SNX9: variants seen among roughly 807,000 people sequenced by gnomAD.
SNX9 encodes sorting nexin 9, also known as sorting nexin-9.
In SNX9, 44 loss-of-function variants were observed where a neutral mutation model predicts 89.4. That is an observed-to-expected ratio of 0.49 (90% CI 0.39 to 0.63). The LOEUF (loss-of-function observed/expected upper bound fraction) is 0.63, where lower values mean the gene tolerates loss of function less well. SNX9 is among the 30% of genes least tolerant of loss of function. The pLI is 0.00. For missense variants in SNX9, 578 were observed against 736.1 expected, an observed-to-expected ratio of 0.79 and a Z score of 2.49; for synonymous variants, 236 against 247.8, an observed-to-expected ratio of 0.95 and a Z score of 0.45.
chr6:157,874,936 G>C, intron 3 of SNX9, 115 bp from the exon 4 acceptor site: 2 of 1,215,024 alleles, frequency 1.6e-6, no homozygotes, highest in Non-Finnish European at 2.2e-6. Context: ...TGCTTACAGA[G>C]AAATTTGTAG....
intron 3 of SNX9, 73 bp from the exon 4 acceptor site, chr6:157,874,978 C>G: frequency 6.7e-7 from 1 of 1,491,684 alleles, no homozygotes; most frequent in Non-Finnish European, 9.0e-7. Context: ...TTTGACAATT[C>G]TTGCTTGCCC....
chr6:157,839,501 C>T (rs1781651752), intron 1 of SNX9, among the ~76,000 whole-genome samples: 1 of 152,218 alleles, frequency 6.6e-6, no homozygotes, highest in Non-Finnish European at 1.5e-5. Context: ...AAGTTACTTA[C>T]TGCTTCACTT....
At chr6:157,882,209 G>T (rs896700677) in intron 4 of SNX9, among the ~76,000 whole-genome samples, 11 of 152,148 alleles carry the variant, frequency 7.2e-5, no homozygotes, top group Non-Finnish European at 1.5e-4. Context: ...TCTGTAAATT[G>T]AATAGCCAAG....
rs901076417 is a variant in SNX9, at chr6:157,905,614, G to A, written c.621-514G>A. On this transcript the variant is annotated intron_variant, in intron 6 of 17. Coordinates refer to ENST00000392185, the MANE Select transcript of SNX9 (RefSeq NM_016224.5). ...AAAGAGACTTGTTTTCCGCTGTCAT[G>A]AACTGCTTCTGAAGGCAATTCCAAA... Among the ~76,000 whole-genome samples the A allele has an allele frequency of 5.1e-5, 7 of 136,168 alleles. No homozygotes were observed. In the Admixed American group the frequency reaches 6.0e-4, roughly 12 times the overall value. The allele number at this position is 136,168 out of a possible 152,430, so 89.3% of individuals were successfully genotyped here.
At chr6:157,913,131 CTT>C (rs1289644527) in intron 9 of SNX9, among the ~76,000 whole-genome samples, 1 of 152,142 alleles carries the variant, frequency 6.6e-6, no homozygotes, top group Non-Finnish European at 1.5e-5. Context: ...GGTGAATTGT[CTT>C]TTTTCCAAGG....
intron 5 of SNX9, 124 bp from the exon 6 acceptor site, chr6:157,901,774 T>C: frequency 8.8e-7 from 1 of 1,139,334 alleles, no homozygotes; most frequent in Non-Finnish European, 1.2e-6. Context: ...TACTATACCC[T>C]TTTCTCCATC....
intron 1 of SNX9, among the ~76,000 whole-genome samples, chr6:157,862,184 A>G (rs1260429875): frequency 2.0e-5 from 3 of 152,226 alleles, no homozygotes; most frequent in Non-Finnish European, 4.4e-5. Context: ...GACTACTTAT[A>G]TTGAAAAGCA....
intron 1 of SNX9, among the ~76,000 whole-genome samples, chr6:157,844,333 C>T (rs1200752566): frequency 1.3e-5 from 2 of 152,040 alleles, no homozygotes; most frequent in Non-Finnish European, 2.9e-5. Context: ...GCCAGTGAGC[C>T]AGGAGTGCTG....
At chr6:157,852,999 T>G (rs1444992733) in intron 1 of SNX9, among the ~76,000 whole-genome samples, 1 of 151,978 alleles carries the variant, frequency 6.6e-6, no homozygotes, top group East Asian at 1.9e-4. Flanking sequence ...AGTTTTTTTG[T>G]TTGTTTGTTT....
chr6:157,908,522 G>A (rs1583230713), intron 7 of SNX9, among the ~76,000 whole-genome samples: 1 of 152,288 alleles, frequency 6.6e-6, no homozygotes, highest in African/African-American at 2.4e-5. Context: ...CTGTCATTGT[G>A]ATCAAAGTTT....
At position 157,943,239 on chromosome 6, in the gene SNX9, T is replaced by G. The variant is rs1784079114; in HGVS notation, c.*401T>G. The G allele has an allele frequency of 6.4e-6, 1 of 155,542 alleles. No individual in the cohort carries two copies. The highest frequency in any genetic ancestry group is 2.4e-5 in the African/African-American group (1 of 41,616). The allele number at this position is 155,542 out of a possible 1,614,324, so 9.6% of individuals were successfully genotyped here. A position where few individuals can be genotyped will look rare whatever the true frequency, so the allele number is the denominator to read the frequency against. The stretch of plus-strand genomic sequence containing the variant: ...TTCTTACCCAGTGTCAGATAATTAA[T>G]TACTAATTACTTTCTTAAAAACATG... On this transcript the variant is annotated 3_prime_UTR_variant, in exon 18 of 18. Transcript: ENST00000392185.
chr6:157,919,532 A>G (rs902216102), intron 9 of SNX9, among the ~76,000 whole-genome samples: 1 of 151,942 alleles, frequency 6.6e-6, no homozygotes, highest in Non-Finnish European at 1.5e-5. Flanking sequence ...CTATACTTTC[A>G]ACTCCAGAAT....
rs1215144142 is a variant in SNX9, at chr6:157,875,098, G to A, written c.222G>A (p.Val74=). The A allele has an allele frequency of 6.2e-7, 1 of 1,613,976 alleles. No homozygotes were observed. Among genetic ancestry groups the A allele is most frequent in the Non-Finnish European group, 8.5e-7 (1 of 1,179,960 alleles). The stretch of plus-strand genomic sequence containing the variant: ...ATCAATTTTCTTGTGGAAATTCAGT[G>A]GCTGACCAAGCCTTCCTTGATTCTC... ...GKDQFSCGNS[V]ADQAFLDSLS... is the part of the protein sequence containing the mutation. The change falls in exon 4 of 18, where the codon GTG becomes GTA. Residue 74 remains valine, a synonymous_variant. Transcript: ENST00000392185.
chr6:157,884,873 T>TA (rs1782700873), intron 4 of SNX9, among the ~76,000 whole-genome samples: 3 of 152,216 alleles, frequency 2.0e-5, no homozygotes, highest in Admixed American at 6.5e-5. Context: ...TCTTTTTTTT[T>TA]AACCTTAAAA....
chr6:157,880,527 A>G (rs893470588), intron 4 of SNX9, among the ~76,000 whole-genome samples: 1 of 152,160 alleles, frequency 6.6e-6, no homozygotes, highest in African/African-American at 2.4e-5. Context: ...CAACCGAATC[A>G]CTTATTTCCC....
chr6:157,901,413 C>T (rs1233452167), intron 5 of SNX9, among the ~76,000 whole-genome samples: 1 of 152,176 alleles, frequency 6.6e-6, no homozygotes. Flanking sequence ...AAACATTTGC[C>T]AAGGCCAGCG....
At chr6:157,885,034 A>T (rs1782705324) in intron 4 of SNX9, 3 of 152,196 alleles carry the variant, frequency 2.0e-5, no homozygotes, top group Admixed American at 2.0e-4. Context: ...ACTCAAAGCT[A>T]CCTATTTTAG....
intron 1 of SNX9, among the ~76,000 whole-genome samples, chr6:157,827,447 AG>A (rs1562586366): frequency 4.0e-4 from 15 of 37,040 alleles, no homozygotes; most frequent in Non-Finnish European, 5.0e-4. Flanking sequence ...CATATATTAT[AG>A]TTTATATAAT....
At chr6:157,861,258 G>C (rs912670101) in intron 1 of SNX9, among the ~76,000 whole-genome samples, 4 of 152,126 alleles carry the variant, frequency 2.6e-5, no homozygotes, top group Non-Finnish European at 5.9e-5. Flanking sequence ...TAAAGAAATT[G>C]CTTCTCAACA....
Sources: allele counts gnomAD v4.1 joint callset (sites outside exome capture counted in the v4.1 genomes callset), GRCh38; gene constraint gnomAD v4.1.1; transcripts MANE v1.5; gene names NCBI Gene and HGNC (gene_info 2026-07-23, HGNC 2026-07-21).